Variants in LRCH1 observed in about 807,000 individuals in gnomAD.
The protein encoded by LRCH1 is leucine rich repeats and calponin homology domain containing 1, also known as leucine-rich repeat and calponin homology domain-containing protein 1.
In LRCH1, 23 loss-of-function variants were observed where a neutral mutation model predicts 94.9. That is an observed-to-expected ratio of 0.24 (90% CI 0.17 to 0.34). The LOEUF is 0.34. Ranked by LOEUF, LRCH1 falls within the 10% of genes least tolerant of loss-of-function variation. LRCH1 has a pLI of 1.00. For missense variants in LRCH1, 790 were observed against 945.9 expected (o/e 0.84, Z 2.16); for synonymous variants, 364 against 354.9 (o/e 1.03, Z -0.29).
chr13:46,750,946 T>G (rs1296713548), exon 19 of LRCH1: 1 of 219,256 alleles, frequency 4.6e-6, no homozygotes, highest in Non-Finnish European at 9.0e-6. Flanking sequence ...ACTCACCGAC[T>G]GCCATTACCA....
At chr13:46,634,181 C>A (rs982472177) in intron 1 of LRCH1, among the ~76,000 whole-genome samples, 1 of 152,078 alleles carries the variant, frequency 6.6e-6, no homozygotes, top group African/African-American at 2.4e-5. Context: ...CCCAGCCTTT[C>A]CTGCATTTCT....
chr13:46,642,537 C>T (rs1365618349), intron 1 of LRCH1, among the ~76,000 whole-genome samples: 1 of 152,174 alleles, frequency 6.6e-6, no homozygotes, highest in Non-Finnish European at 1.5e-5. Flanking sequence ...TGATGGACAA[C>T]TCAAAATACG....
intron 1 of LRCH1, among the ~76,000 whole-genome samples, chr13:46,554,220 CA>C (rs1173557817): frequency 6.6e-6 from 1 of 152,250 alleles, no homozygotes; most frequent in Non-Finnish European, 1.5e-5. Context: ...TCGGCCGAGC[CA>C]GGGGCATCGG....
intron 1 of LRCH1, among the ~76,000 whole-genome samples, chr13:46,575,560 G>A (rs1169372627): frequency 6.7e-6 from 1 of 149,466 alleles, no homozygotes; most frequent in Non-Finnish European, 1.5e-5. Context: ...GGGGGGATGT[G>A]GTCTCATTCC....
intron 18 of LRCH1, among the ~76,000 whole-genome samples, chr13:46,729,542 C>T (rs1872996154): frequency 9.2e-6 from 1 of 109,216 alleles, no homozygotes; most frequent in Non-Finnish European, 1.8e-5. Flanking sequence ...CAGAGTGAGA[C>T]CCTGTCTCAA....
At chr13:46,665,334 T>G (rs2051501170) in intron 2 of LRCH1, among the ~76,000 whole-genome samples, 1 of 152,130 alleles carries the variant, frequency 6.6e-6, no homozygotes, top group Non-Finnish European at 1.5e-5. Flanking sequence ...AAAATAATAC[T>G]CTAAAAGTAA....
intron 1 of LRCH1, among the ~76,000 whole-genome samples, chr13:46,558,572 CAAAAAAA>C (rs575874794): frequency 0.06 from 2,070 of 34,388 alleles, 88 homozygotes; most frequent in African/African-American, 0.19. Flanking sequence ...CCTGTGTCTA[CAAAAAAA>C]AAAAAAAAAA....
intron 2 of LRCH1, among the ~76,000 whole-genome samples, chr13:46,653,687 C>T (rs1224905655): frequency 2.6e-5 from 4 of 151,890 alleles, no homozygotes; most frequent in Non-Finnish European, 4.4e-5. Context: ...AAAAAGTAGC[C>T]GGGCGTGGTG....
At chr13:46,657,514 T>G (rs2051389388) in intron 2 of LRCH1, among the ~76,000 whole-genome samples, 1 of 49,300 alleles carries the variant, frequency 2.0e-5, no homozygotes, top group African/African-American at 8.5e-5. Context: ...TTTTTTTTTT[T>G]TTTTTTTTTT....
Position 46,750,667 on chromosome 13 carries a change from T to C in LRCH1, c.*17T>C, listed in dbSNP as rs4942573. 24,064 of 1,502,788 alleles carry C rather than the reference T, an allele frequency of 0.016. 1,814 individuals are homozygous for C. The Admixed American group carries it at 0.19, about 12-fold the overall frequency. The allele number at this position is 1,502,788 out of a possible 1,614,324, so 93.1% of individuals were successfully genotyped here. On this transcript the variant is annotated 3_prime_UTR_variant, in exon 19 of 19. Coordinates refer to the LRCH1 transcript ENST00000311191. Reference sequence around the variant, plus strand: ...TTCACATGAAACTACCCCTTCTCCATTGGGGGCTCAGACTCTGCTCTCATC... The same window carrying C: ...TTCACATGAAACTACCCCTTCTCCACTGGGGGCTCAGACTCTGCTCTCATC...
chr13:46,678,554 C>CTCCAAATGTG (rs1566219613), intron 3 of LRCH1, among the ~76,000 whole-genome samples: 1 of 152,166 alleles, frequency 6.6e-6, no homozygotes, highest in Non-Finnish European at 1.5e-5. Flanking sequence ...ACCATATACC[C>CTCCAAATGTG]TCCAAAATGT....
intron 2 of LRCH1, among the ~76,000 whole-genome samples, chr13:46,660,279 G>T (rs1322106176): frequency 3.3e-5 from 5 of 152,046 alleles, no homozygotes; most frequent in Non-Finnish European, 7.4e-5. Context: ...CTCCCAAAGT[G>T]CTGGGATTAC....
intron 17 of LRCH1, 76 bp downstream of exon 17, chr13:46,723,406 A>C: frequency 2.7e-6 from 3 of 1,116,584 alleles, no homozygotes; most frequent in Non-Finnish European, 4.0e-6. Flanking sequence ...ACTTTGAAAC[A>C]TTGCAAGCAG....
At chr13:46,690,265 A>C (rs1870829714) in intron 7 of LRCH1, among the ~76,000 whole-genome samples, 1 of 152,176 alleles carries the variant, frequency 6.6e-6, no homozygotes, top group Non-Finnish European at 1.5e-5. Flanking sequence ...CAGTGTCAAT[A>C]AAAGAAAATA....
intron 9 of LRCH1, among the ~76,000 whole-genome samples, chr13:46,698,555 TAC>T (rs1871311079): frequency 6.6e-6 from 1 of 152,208 alleles, no homozygotes; most frequent in Non-Finnish European, 1.5e-5. Context: ...TTAAGAATGT[TAC>T]ACTTTCTCTT....
intron 4 of LRCH1, among the ~76,000 whole-genome samples, chr13:46,684,870 A>G (rs978930731): frequency 7.9e-5 from 12 of 152,246 alleles, no homozygotes; most frequent in African/African-American, 1.9e-4. Flanking sequence ...ACTGGTTACT[A>G]GAATCTTTTC....
chr13:46,711,870 G>C, intron 14 of LRCH1, 26 bp downstream of exon 14: 1 of 1,580,116 alleles, frequency 6.3e-7, no homozygotes, highest in Non-Finnish European at 8.7e-7. Flanking sequence ...ATTAATGGAA[G>C]GTGAGGTGTT....
intron 9 of LRCH1, among the ~76,000 whole-genome samples, chr13:46,697,576 T>A (rs146821289): frequency 1.9e-4 from 29 of 152,240 alleles, no homozygotes; most frequent in African/African-American, 6.7e-4. Context: ...TGTGAAAACA[T>A]GGCACTAACT....
intron 1 of LRCH1, among the ~76,000 whole-genome samples, chr13:46,561,940 T>G (rs1001641644): frequency 6.6e-6 from 1 of 152,254 alleles, no homozygotes; most frequent in East Asian, 1.9e-4. Flanking sequence ...TTTTGTTTTA[T>G]TGCCTTCCTC....
Sources: gnomAD v4.1 joint callset for allele counts (sites outside exome capture counted in the v4.1 genomes callset) on GRCh38, gnomAD v4.1.1 for gene constraint, MANE v1.5 for transcripts, NCBI Gene and HGNC (gene_info 2026-07-23, HGNC 2026-07-21) for gene names.